Variants in PARP16 observed in about 807,000 individuals in gnomAD.
PARP16 encodes protein mono-ADP-ribosyltransferase PARP16.
A neutral mutation model predicts 35.0 loss-of-function variants in PARP16; 31 were observed. That is an observed-to-expected ratio of 0.88 (90% confidence interval 0.66 to 1.19). The LOEUF is 1.19. Among genes scored for constraint, PARP16 ranks in the 50% most tolerant of loss-of-function variants. The probability of loss-of-function intolerance (pLI) is 0.00; values close to 1 mark genes in which losing one functional copy is unlikely to be tolerated. For synonymous variants in PARP16, 162 were observed against 169.5 expected, an observed-to-expected ratio of 0.96 and a Z score of 0.34; for missense variants, 424 against 411.2, an observed-to-expected ratio of 1.03 and a Z score of -0.27.
intron 1 of PARP16, among the ~76,000 whole-genome samples, chr15:65,274,246 C>CTTT (rs112213715): frequency 1.7e-4 from 24 of 140,230 alleles, no homozygotes; most frequent in Admixed American, 2.1e-4. Flanking sequence ...GCCCAGCATA[C>CTTT]TTTTTTTTTT....
chr15:65,248,128 C>T, exon 3 of PARP16: 1 of 456,426 alleles, frequency 2.2e-6, no homozygotes, highest in Non-Finnish European at 4.4e-6. Context: ...TCTCTACTTT[C>T]CACAGTTCCT....
chr15:65,266,465 C>T (rs922685337), intron 3 of PARP16, 97 bp downstream of exon 3: 8 of 1,007,280 alleles, frequency 7.9e-6, no homozygotes, highest in Non-Finnish European at 1.2e-5. Context: ...CTACCCGACC[C>T]CACCTGCAAA....
At chr15:65,240,366 G>A (rs1356456651) in intron 3 of PARP16, among the ~76,000 whole-genome samples, 1 of 143,250 alleles carries the variant, frequency 7.0e-6, no homozygotes, top group East Asian at 2.1e-4. Flanking sequence ...GTGTGTGTTG[G>A]GATTACAGGC....
intron 1 of PARP16, among the ~76,000 whole-genome samples, chr15:65,274,336 G>A (rs11636085): frequency 0.27 from 41,013 of 151,190 alleles, 5,868 homozygotes; most frequent in Admixed American, 0.33. Flanking sequence ...TGAGGTGGGC[G>A]GAGCTCTTCA....
At chr15:65,268,586 T>C (rs572285488) in intron 2 of PARP16, among the ~76,000 whole-genome samples, 2 of 152,306 alleles carry the variant, frequency 1.3e-5, no homozygotes, top group African/African-American at 4.8e-5. Flanking sequence ...GCTGGGACTA[T>C]AGGTGCAACT....
intron 3 of PARP16, among the ~76,000 whole-genome samples, chr15:65,240,323 AGTGTGTGTGTGTGTGTGT>A (rs34811236): frequency 1.6e-5 from 2 of 126,080 alleles, no homozygotes; most frequent in African/African-American, 3.1e-5. Flanking sequence ...GGGGGGGGCT[AGTGTGTGTGTGTGTGTGT>A]GTGTGTGTGT....
At chr15:65,274,470 G>A (rs1294797948) in intron 1 of PARP16, among the ~76,000 whole-genome samples, 1 of 151,632 alleles carries the variant, frequency 6.6e-6, no homozygotes, top group Non-Finnish European at 1.5e-5. Flanking sequence ...CCGGCTACTT[G>A]GGCTGAGGTG....
chr15:65,273,054 C>T (rs1053379360), intron 1 of PARP16, among the ~76,000 whole-genome samples: 2 of 151,656 alleles, frequency 1.3e-5, no homozygotes, highest in Non-Finnish European at 2.9e-5. Context: ...CTGAGGGGGG[C>T]GGGTCACGAG....
At chr15:65,235,243 C>T (rs2088844574) in intron 3 of PARP16, among the ~76,000 whole-genome samples, 1 of 151,572 alleles carries the variant, frequency 6.6e-6, no homozygotes, top group African/African-American at 2.4e-5. Context: ...GGAGGCGGAG[C>T]TTGCAGTGAG....
intron 3 of PARP16, among the ~76,000 whole-genome samples, chr15:65,240,316 G>GGGA: frequency 7.8e-6 from 1 of 128,592 alleles, no homozygotes; most frequent in South Asian, 2.7e-4. Context: ...GTGTGGTGGG[G>GGGA]GGGGCTAGTG....
rs1232614186 is a variant in PARP16, at chr15:65,261,389, AATTTTATATAT to A, written c.692-374_692-364del. Among the ~76,000 whole-genome samples, 4 of 147,456 alleles carry A rather than the reference AATTTTATATAT, an allele frequency of 2.7e-5. No individual in the cohort carries two copies. The East Asian group carries it at 6.0e-4, about 22-fold the overall frequency. Reference sequence around the variant, plus strand: ...CCTCTTAACAGGCATTTTATATATAAATTTTATATATATTTTATATATAAAATGCCTGTTAA... The same window carrying A: ...CCTCTTAACAGGCATTTTATATATAAATTTTATATATAAAATGCCTGTTAA... On this transcript the variant is annotated intron_variant, in intron 4 of 5. Transcript: ENST00000649807.
intron 1 of PARP16, among the ~76,000 whole-genome samples, chr15:65,284,649 C>T (rs923076768): frequency 6.6e-6 from 1 of 151,252 alleles, no homozygotes; most frequent in Admixed American, 6.6e-5. Context: ...TTTTGTATCA[C>T]CCTTATCAGA....
At chr15:65,274,059 G>A (rs2090175016) in intron 1 of PARP16, among the ~76,000 whole-genome samples, 2 of 150,950 alleles carry the variant, frequency 1.3e-5, no homozygotes, top group Non-Finnish European at 1.5e-5. Context: ...CACCCGAAGT[G>A]ATTCTCCTGC....
intron 1 of PARP16, among the ~76,000 whole-genome samples, chr15:65,272,743 T>C (rs935874224): frequency 1.3e-5 from 2 of 152,200 alleles, no homozygotes; most frequent in Non-Finnish European, 2.9e-5. Flanking sequence ...CAGCATGAAC[T>C]GTGGAATCAG....
chr15:65,281,378 C>G (rs1002344214), intron 1 of PARP16, among the ~76,000 whole-genome samples: 2 of 152,232 alleles, frequency 1.3e-5, no homozygotes, highest in Admixed American at 1.3e-4. Context: ...CTGGAAATAC[C>G]AAGAGCTCCC....
At chr15:65,267,333 T>C (rs12915417) in intron 2 of PARP16, among the ~76,000 whole-genome samples, 146,985 of 151,556 alleles carry the variant, frequency 0.97, 71,410 homozygotes, top group East Asian at 1. Flanking sequence ...CAGGGCTGGG[T>C]GCGGTGGCTC....
rs1316568495 is a variant in PARP16, at chr15:65,261,042, A to G, written c.692-16T>C. On this transcript the variant is annotated splice_polypyrimidine_tract_variant and intron_variant, in intron 4 of 5. Transcript: ENST00000649807. ...TCCTTGGAATCTGAATAAGGAGAGT[A>G]AAACACATCTTCACTGGGGGAAACA... 1 of 1,608,974 alleles carries G rather than the reference A, an allele frequency of 6.2e-7. No individual in the cohort carries two copies. Among genetic ancestry groups the G allele is most frequent in the South Asian group, 1.1e-5 (1 of 90,924 alleles).
chr15:65,271,118 T>C, intron 1 of PARP16, 46 bp from the exon 2 acceptor site: 1 of 1,607,658 alleles, frequency 6.2e-7, no homozygotes, highest in South Asian at 1.1e-5. Flanking sequence ...CCGGACACAG[T>C]GATAATCAGG....
intron 2 of PARP16, among the ~76,000 whole-genome samples, chr15:65,251,886 T>G (rs1334934906): frequency 6.6e-6 from 1 of 152,116 alleles, no homozygotes; most frequent in Non-Finnish European, 1.5e-5. Context: ...TGCCTCAGCC[T>G]CCCGAGTAGC....
Sources: gnomAD v4.1 joint callset for allele counts (sites outside exome capture counted in the v4.1 genomes callset) on GRCh38, gnomAD v4.1.1 for gene constraint, MANE v1.5 for transcripts, NCBI Gene and HGNC (gene_info 2026-07-23, HGNC 2026-07-21) for gene names.